BBX: variants seen among roughly 807,000 people sequenced by gnomAD.
The protein encoded by BBX is BBX high mobility group box domain containing.
BBX carries 30 observed loss-of-function variants against 100.2 expected under a neutral mutation model. The ratio of observed to expected loss-of-function variants is 0.30; its 90% CI spans 0.22 to 0.41. The LOEUF is 0.41. Ranked by LOEUF, BBX falls within the 10% of genes least tolerant of loss-of-function variation. BBX has a pLI of 1.00. For synonymous variants in BBX, 376 were observed against 388.1 expected (o/e 0.97, Z 0.37); for missense variants, 1,023 against 1,129.8 (o/e 0.91, Z 1.35).
intron 10 of BBX, among the ~76,000 whole-genome samples, chr3:107,756,427 T>C (rs2107677430): frequency 6.6e-6 from 1 of 152,282 alleles, no homozygotes. Flanking sequence ...ACCAAAAATC[T>C]CTTACTAAAT....
intron 13 of BBX, among the ~76,000 whole-genome samples, chr3:107,779,417 A>G (rs193143196): frequency 3.3e-5 from 5 of 152,258 alleles, no homozygotes; most frequent in Admixed American, 6.5e-5. Flanking sequence ...CTAGTTTTCC[A>G]TACATATATG....
At chr3:107,565,032 A>C (rs1016734588) in intron 2 of BBX, among the ~76,000 whole-genome samples, 5 of 152,092 alleles carry the variant, frequency 3.3e-5, no homozygotes, top group Non-Finnish European at 7.4e-5. Flanking sequence ...TTTCCTACAA[A>C]TCTCACACAT....
intron 7 of BBX, among the ~76,000 whole-genome samples, chr3:107,740,967 A>G (rs929671046): frequency 6.7e-6 from 1 of 148,722 alleles, no homozygotes; most frequent in African/African-American, 2.5e-5. Context: ...TCCCTAACAC[A>G]TACTAGATAC....
intron 2 of BBX, among the ~76,000 whole-genome samples, chr3:107,617,224 C>T (rs1050092785): frequency 6.6e-6 from 1 of 152,078 alleles, no homozygotes; most frequent in African/African-American, 2.4e-5. Context: ...TTTATGGGTT[C>T]TCTATGCTGT....
intron 13 of BBX, among the ~76,000 whole-genome samples, chr3:107,781,781 G>A (rs1343555094): frequency 2.6e-5 from 4 of 151,864 alleles, no homozygotes; most frequent in Non-Finnish European, 5.9e-5. Flanking sequence ...TAGTTCCTTG[G>A]CCTATTATCA....
At chr3:107,628,586 C>A (rs1405414617) in intron 2 of BBX, among the ~76,000 whole-genome samples, 1 of 151,688 alleles carries the variant, frequency 6.6e-6, no homozygotes, top group African/African-American at 2.4e-5. Context: ...ATTATTATTT[C>A]CATTTAATTT....
rs2065636530 is a variant in BBX, at chr3:107,758,222, C to A, written c.906+2544C>A. Among the ~76,000 whole-genome samples the A allele has an allele frequency of 2.6e-5, 4 of 152,182 alleles. No homozygotes were observed. In the South Asian group the frequency reaches 8.3e-4, roughly 32 times the overall value. On this transcript the variant is annotated intron_variant, in intron 10 of 17. Coordinates refer to ENST00000325805, the MANE Select transcript of BBX (RefSeq NM_001142568.3). The stretch of plus-strand genomic sequence containing the variant: ...TGAGGGAGGTACATGCAAAAGATTT[C>A]TTCTTCTTCTTTGGCAAGAAACAAG...
At chr3:107,715,001 G>A (rs1268804100) in intron 4 of BBX, among the ~76,000 whole-genome samples, 1 of 152,038 alleles carries the variant, frequency 6.6e-6, no homozygotes, top group African/African-American at 2.4e-5. Context: ...CACCAGGATC[G>A]TCTCAATCTC....
intron 2 of BBX, among the ~76,000 whole-genome samples, chr3:107,613,189 ATTT>A (rs1378133556): frequency 1.5e-5 from 2 of 131,872 alleles, no homozygotes; most frequent in Non-Finnish European, 1.6e-5. Flanking sequence ...ATGGAAGGCT[ATTT>A]TTTTTTTTTT....
intron 3 of BBX, among the ~76,000 whole-genome samples, chr3:107,646,487 A>T (rs1305442471): frequency 6.6e-6 from 1 of 152,148 alleles, no homozygotes; most frequent in Non-Finnish European, 1.5e-5. Flanking sequence ...GTCCTTTTAT[A>T]TGTTAGTTAT....
chr3:107,756,962 G>A (rs1037009999), intron 10 of BBX, among the ~76,000 whole-genome samples: 2 of 152,148 alleles, frequency 1.3e-5, no homozygotes, highest in African/African-American at 4.8e-5. Flanking sequence ...GTGAGGTCAT[G>A]CATTTGTCTA....
intron 11 of BBX, 55 bp from the exon 12 acceptor site, chr3:107,774,664 A>G: frequency 6.4e-7 from 1 of 1,569,980 alleles, no homozygotes; most frequent in Non-Finnish European, 8.6e-7. Flanking sequence ...AACTAACATC[A>G]TCTCCCCTCG....
chr3:107,763,941 T>C (rs1425521036), intron 10 of BBX, among the ~76,000 whole-genome samples: 1 of 152,142 alleles, frequency 6.6e-6, no homozygotes, highest in Non-Finnish European at 1.5e-5. Flanking sequence ...GTATGATTGC[T>C]GGGCCGGACC....
chr3:107,805,675 C>A lies in BBX; in HGVS notation c.*218C>A. On this transcript the variant is annotated 3_prime_UTR_variant, in exon 18 of 18. Transcript: ENST00000325805. ...TGAGGGTAAGGTTATCTGTCTGATA[C>A]TGAGCAGAAACAGAATGATCCTGGA... 1 of 788,268 alleles carries A rather than the reference C, an allele frequency of 1.3e-6. No homozygotes were observed. Among genetic ancestry groups the A allele is most frequent in the Non-Finnish European group, 1.9e-6 (1 of 518,498 alleles). 48.8% of individuals were successfully genotyped at this position (788,268 alleles called of 1,614,324 possible). A position where few individuals can be genotyped will look rare whatever the true frequency, so the allele number is the denominator to read the frequency against.
At chr3:107,613,187 C>CT (rs1203740742) in intron 2 of BBX, among the ~76,000 whole-genome samples, 5 of 149,276 alleles carry the variant, frequency 3.3e-5, no homozygotes, top group African/African-American at 1.2e-4. Flanking sequence ...AAATGGAAGG[C>CT]TATTTTTTTT....
chr3:107,658,841 A>T (rs1477269450), intron 3 of BBX, among the ~76,000 whole-genome samples: 2 of 152,092 alleles, frequency 1.3e-5, no homozygotes, highest in Non-Finnish European at 2.9e-5. Context: ...AGCTTGTCTG[A>T]GCTTCTTGAC....
rs143853371 is a variant in BBX at position 107,710,468 on chromosome 3, G to C, written c.8G>C (p.Gly3Ala). The C allele has an allele frequency of 6.2e-7, 1 of 1,611,700 alleles. No homozygotes were observed. The highest frequency in any genetic ancestry group is 1.1e-5 in the South Asian group (1 of 90,736). The change falls in exon 4 of 18, where the codon GGC (glycine) becomes GCC (alanine). Residue 3 changes from glycine (G) to alanine (A), a missense_variant. Coordinates refer to ENST00000325805, the MANE Select transcript of BBX (RefSeq NM_001142568.3). ...CTATTACAGGTCACAGTAATGAAAG[G>C]CAGTAATAGAAATAAGGATCATTCA... is the stretch of plus-strand genomic sequence containing the variant. MK[G>A]SNRNKDHSAE...
rs2070023964 is a variant in BBX at position 107,798,677 on chromosome 3, C to T, written c.2508C>T (p.Val836=). 2 of 1,613,888 alleles carry T rather than the reference C, an allele frequency of 1.2e-6. No homozygotes were observed. The highest frequency in any genetic ancestry group is 1.7e-6 in the Non-Finnish European group (2 of 1,180,010). The change falls in exon 16 of 18, where the codon GTC becomes GTT. Residue 836 remains valine (V), a synonymous_variant. Transcript: ENST00000325805. Reference sequence around the variant, plus strand: ...GGAAAACCAAGATTACACACCTTGTCAGGACAGCAGATGGCCGGGTATCAC... The same window carrying T: ...GGAAAACCAAGATTACACACCTTGTTAGGACAGCAGATGGCCGGGTATCAC... ...KARKTKITHL[V]RTADGRVSPA... is the part of the protein sequence containing the mutation.
At chr3:107,655,375 T>C (rs1451000282) in intron 3 of BBX, among the ~76,000 whole-genome samples, 1 of 152,192 alleles carries the variant, frequency 6.6e-6, no homozygotes, top group Non-Finnish European at 1.5e-5. Context: ...TATGTCAATT[T>C]TTTAAGCATA....
Sources: gnomAD v4.1 joint callset for allele counts (sites outside exome capture counted in the v4.1 genomes callset) on GRCh38, gnomAD v4.1.1 for gene constraint, MANE v1.5 for transcripts, NCBI Gene and HGNC (gene_info 2026-07-23, HGNC 2026-07-21) for gene names.